TCF4: variants seen among roughly 807,000 people sequenced by gnomAD.
TCF4 encodes SL3-3 enhancer factor 2.
In TCF4, 3 loss-of-function variants were observed where a neutral mutation model predicts 82.1. The observed-to-expected ratio is 0.04, with a 90% CI of 0.02 to 0.09. The LOEUF is 0.09. Ranked by LOEUF, TCF4 falls within the 10% of genes least tolerant of loss-of-function variation. The pLI, the probability that TCF4 is intolerant of heterozygous loss-of-function variation, is 1.00. For missense variants in TCF4, 518 were observed against 852.7 expected (o/e 0.61, Z 4.89); for synonymous variants, 276 against 309.6 (o/e 0.89, Z 1.14).
intron 11 of TCF4, among the ~76,000 whole-genome samples, chr18:55,262,852 G>T (rs1487429317): frequency 6.6e-6 from 1 of 152,142 alleles, no homozygotes; most frequent in Non-Finnish European, 1.5e-5. Flanking sequence ...TGTTGCCCAG[G>T]CTGGAGTGCA....
intron 3 of TCF4, among the ~76,000 whole-genome samples, chr18:55,476,481 G>GT (rs373738862): frequency 8.2e-4 from 122 of 148,194 alleles, no homozygotes; most frequent in Non-Finnish European, 1.5e-3. Flanking sequence ...TTTTGTTTTT[G>GT]TTTTTTTTTG....
chr18:55,531,086 G>C lies in TCF4; in HGVS notation c.145+54194C>G, dbSNP rs1490139512. ...CCTGCCTCAGCCTCTCGAGTAGCTG[G>C]GAGTACAGGTGCCCACCACCACACC... On this transcript the variant is annotated intron_variant, in intron 3 of 19. Transcript: ENST00000354452. 7.2e-5 allele frequency among the ~76,000 whole-genome samples: 11 copies of C among 152,090 alleles called. No individual in the cohort carries two copies. In the East Asian group the frequency reaches 2.1e-3, roughly 29 times the overall value.
At chr18:55,269,659 A>T in intron 11 of TCF4, 172 bp downstream of exon 11, 4 of 877,160 alleles carry the variant, frequency 4.6e-6, no homozygotes, top group Non-Finnish European at 7.0e-6. Context: ...AAATATGGTT[A>T]TGCTCAAGCC....
chr18:55,549,358 C>G (rs979536528), intron 3 of TCF4, among the ~76,000 whole-genome samples: 2 of 151,998 alleles, frequency 1.3e-5, no homozygotes, highest in African/African-American at 4.8e-5. Flanking sequence ...CCTTAGCTTA[C>G]TCTAACTTTT....
At chr18:55,401,333 CAG>C in intron 6 of TCF4, 1 of 1,162,274 alleles carries the variant, frequency 8.6e-7, no homozygotes, top group Non-Finnish European at 1.1e-6. Context: ...ACGCTAAGCA[CAG>C]AGATAGTAGA....
chr18:55,359,824 G>C (rs957565919), intron 6 of TCF4, among the ~76,000 whole-genome samples: 16 of 152,164 alleles, frequency 1.1e-4, no homozygotes, highest in Non-Finnish European at 2.2e-4. Flanking sequence ...GTCCTTTAAA[G>C]TACATTTGAA....
intron 2 of TCF4, among the ~76,000 whole-genome samples, chr18:55,594,492 A>T (rs1287609980): frequency 6.6e-6 from 1 of 152,214 alleles, no homozygotes; most frequent in Admixed American, 6.5e-5. Flanking sequence ...AAATGAATGA[A>T]GAATCTGTCT....
chr18:55,366,908 C>T (rs768299124), intron 6 of TCF4, among the ~76,000 whole-genome samples: 14 of 152,190 alleles, frequency 9.2e-5, no homozygotes, highest in East Asian at 7.7e-4. Flanking sequence ...CATTTCCATA[C>T]GTATATAAGC....
intron 15 of TCF4, among the ~76,000 whole-genome samples, chr18:55,250,658 A>C (rs969458100): frequency 6.6e-6 from 1 of 152,190 alleles, no homozygotes; most frequent in African/African-American, 2.4e-5. Flanking sequence ...ACACATGCAG[A>C]GCGCCTAGCA....
chr18:55,499,051 C>T (rs1336453379), intron 3 of TCF4, among the ~76,000 whole-genome samples: 1 of 152,060 alleles, frequency 6.6e-6, no homozygotes, highest in Non-Finnish European at 1.5e-5. Context: ...CATCTCAGAC[C>T]CTTTTCCAGA....
intron 2 of TCF4, among the ~76,000 whole-genome samples, chr18:55,602,067 C>T (rs186686865): frequency 1.3e-5 from 2 of 152,150 alleles, no homozygotes; most frequent in Admixed American, 6.5e-5. Flanking sequence ...GCCGGATTCA[C>T]GTTAATGCCT....
rs184636950 is a variant in TCF4 at position 55,399,951 on chromosome 18, T to C, written c.369+3503A>G. On this transcript the variant is annotated intron_variant, in intron 6 of 19. Coordinates refer to ENST00000354452, the MANE Select transcript of TCF4 (RefSeq NM_001083962.2). ...AATACTAAAAATGAAACCATGGCTT[T>C]AGACCTGGGCTATATCCCAGAAAGA... Among the ~76,000 whole-genome samples, 542 of 149,692 alleles carry C rather than the reference T, an allele frequency of 3.6e-3. 2 individuals carry two copies. The highest frequency in any genetic ancestry group is 5.7e-3 in the Non-Finnish European group (383 of 67,560).
intron 3 of TCF4, among the ~76,000 whole-genome samples, chr18:55,466,982 G>A (rs1488071689): frequency 6.6e-6 from 1 of 151,892 alleles, no homozygotes; most frequent in East Asian, 1.9e-4. Flanking sequence ...CTGACCTCAC[G>A]CTGCTGCACC....
intron 2 of TCF4, among the ~76,000 whole-genome samples, chr18:55,598,948 C>T (rs2147941317): frequency 6.6e-6 from 1 of 152,320 alleles, no homozygotes; most frequent in African/African-American, 2.4e-5. Context: ...ACGGAGATAG[C>T]TGTTGGTGCC....
chr18:55,568,196 A>G (rs1420150224), intron 3 of TCF4, among the ~76,000 whole-genome samples: 1 of 151,586 alleles, frequency 6.6e-6, no homozygotes, highest in Non-Finnish European at 1.5e-5. Flanking sequence ...AATAAGCCTA[A>G]GTACATAGAA....
At chr18:55,301,897 G>T (rs538345998) in intron 8 of TCF4, among the ~76,000 whole-genome samples, 3 of 150,378 alleles carry the variant, frequency 2.0e-5, no homozygotes, top group African/African-American at 7.4e-5. Flanking sequence ...ATTCATCCTC[G>T]TTTAGGTTGT....
Position 55,528,641 on chromosome 18 carries a change from C to T in TCF4, c.145+56639G>A, listed in dbSNP as rs545704805. On this transcript the variant is annotated intron_variant, in intron 3 of 19. Transcript: ENST00000354452. ...CAGAATCCACAGAAATTGGACAACA[C>T]CAAAAATACTACATATAAGTGACTA... Among the ~76,000 whole-genome samples, 267 of 152,222 alleles carry T rather than the reference C, an allele frequency of 1.8e-3. 1 individual carries two copies. Among genetic ancestry groups the T allele is most frequent in the Non-Finnish European group, 2.8e-3 (193 of 68,020 alleles).
In TCF4 at chr18:55,234,567, T is replaced by G; in HGVS notation, c.1467A>C (p.Pro489=). The G allele has an allele frequency of 6.2e-7, 1 of 1,613,904 alleles. No individual in the cohort carries two copies. The highest frequency in any genetic ancestry group is 8.5e-7 in the Non-Finnish European group (1 of 1,179,966). The part of the protein sequence containing the change: ...VQSATSPDLN[P]PQDPYRGMPP... ...ACCTACCTCTGTAAGGGTCCTGGGG[T>G]GGGTTCAGGTCAGGGGAAGTCGCAG... is the stretch of plus-strand genomic sequence containing the variant. The change falls in exon 16 of 20, where the codon CCA becomes CCC. Residue 489 remains proline, a synonymous_variant. Transcript: ENST00000354452.
intron 6 of TCF4, among the ~76,000 whole-genome samples, chr18:55,385,855 C>A (rs2145982930): frequency 6.6e-6 from 1 of 152,276 alleles, no homozygotes; most frequent in Middle Eastern, 3.4e-3. Flanking sequence ...TTCTCAGGGC[C>A]CTAGAGGCTC....
Sources: gnomAD v4.1 joint callset for allele counts (sites outside exome capture counted in the v4.1 genomes callset) on GRCh38, gnomAD v4.1.1 for gene constraint, MANE v1.5 for transcripts, NCBI Gene and HGNC (gene_info 2026-07-23, HGNC 2026-07-21) for gene names.